The following PHACTR1 variants were observed in gnomAD, a reference collection of about 807,000 sequenced individuals.
The protein encoded by PHACTR1 is RPEL repeat containing 1.
Under a neutral mutation model 69.2 loss-of-function variants are expected in PHACTR1, and 16 were observed. The observed-to-expected ratio is 0.23, with a 90% CI of 0.16 to 0.35. The LOEUF is 0.35. PHACTR1 is among the 10% of genes least tolerant of loss of function. The pLI is 1.00. For missense variants in PHACTR1, 510 were observed against 734.7 expected (o/e 0.69, Z 3.54); for synonymous variants, 312 against 284.5 (o/e 1.10, Z -0.97).
intron 4 of PHACTR1, 95 bp from the exon 5 acceptor site, chr6:13,053,270 A>T (rs570617796): frequency 7.8e-7 from 1 of 1,276,328 alleles, no homozygotes; most frequent in South Asian, 1.6e-5. Context: ...GGTTTCTGTT[A>T]TCTGTAACCA....
intron 4 of PHACTR1, among the ~76,000 whole-genome samples, chr6:12,983,659 T>C (rs1795783572): frequency 6.6e-6 from 1 of 152,124 alleles, no homozygotes; most frequent in South Asian, 2.1e-4. Context: ...AACTCATCAT[T>C]TACATTAGGT....
chr6:13,121,116 G>A (rs1210610264), intron 5 of PHACTR1, among the ~76,000 whole-genome samples: 1 of 152,232 alleles, frequency 6.6e-6, no homozygotes, highest in Non-Finnish European at 1.5e-5. Flanking sequence ...TGGGTGGTCT[G>A]CAGAAGGAAC....
At chr6:12,817,812 A>C (rs1046080747) in intron 4 of PHACTR1, among the ~76,000 whole-genome samples, 1 of 151,522 alleles carries the variant, frequency 6.6e-6, no homozygotes, top group Non-Finnish European at 1.5e-5. Context: ...AGGTAAGCAC[A>C]TGTTTACTTT....
intron 5 of PHACTR1, among the ~76,000 whole-genome samples, chr6:13,090,068 T>TG (rs1812985952): frequency 6.6e-6 from 1 of 152,044 alleles, no homozygotes; most frequent in Non-Finnish European, 1.5e-5. Context: ...TTGTTGTTGT[T>TG]TTTGAGACGG....
At position 13,226,359 on chromosome 6, in the gene PHACTR1, C is replaced by T. The variant is rs191267371; in HGVS notation, c.987-1457C>T. ...TTGAAAGTTTCAAAGGAGAGGCATG[C>T]ATTCATATGTCATAAGTCAGATTTC... On this transcript the variant is annotated intron_variant, in intron 8 of 14. Coordinates refer to ENST00000332995, the MANE Select transcript of PHACTR1 (RefSeq NM_030948.6). Among the ~76,000 whole-genome samples, 106 of 152,310 alleles carry T rather than the reference C, an allele frequency of 7.0e-4. 1 individual carries two copies. The highest frequency in any genetic ancestry group is 2.4e-3 in the African/African-American group (99 of 41,564).
At chr6:12,721,892 TG>T (rs1762176853) in intron 3 of PHACTR1, among the ~76,000 whole-genome samples, 1 of 152,248 alleles carries the variant, frequency 6.6e-6, no homozygotes, top group East Asian at 1.9e-4. Flanking sequence ...ATGCACACAT[TG>T]GCCGGATTCA....
At chr6:13,146,275 A>C (rs1473782916) in intron 5 of PHACTR1, among the ~76,000 whole-genome samples, 1 of 152,254 alleles carries the variant, frequency 6.6e-6, no homozygotes, top group Non-Finnish European at 1.5e-5. Flanking sequence ...GGGAGAAATC[A>C]AGTCTTCACA....
intron 5 of PHACTR1, among the ~76,000 whole-genome samples, chr6:13,158,591 A>G (rs1270672138): frequency 6.6e-6 from 1 of 152,266 alleles, no homozygotes; most frequent in East Asian, 1.9e-4. Flanking sequence ...TCCAAAATAT[A>G]TAATTAGTGA....
chr6:13,146,231 C>T lies in PHACTR1; in HGVS notation c.416-13973C>T, dbSNP rs142562291. On this transcript the variant is annotated intron_variant, in intron 5 of 14. Transcript: ENST00000332995. ...GTGGAAAGCACAGAGTGCATGGTTC[C>T]TAATACATAATAAGTGTTACCATGG... is the stretch of plus-strand genomic sequence containing the variant. Among the ~76,000 whole-genome samples the T allele has an allele frequency of 2.6e-5, 4 of 152,272 alleles. No homozygotes were observed. The East Asian group carries it at 7.7e-4, about 29-fold the overall frequency.
intron 4 of PHACTR1, among the ~76,000 whole-genome samples, chr6:12,844,218 G>T (rs760255068): frequency 6.6e-5 from 10 of 152,016 alleles, no homozygotes; most frequent in Non-Finnish European, 1.2e-4. Context: ...AACATAGCAA[G>T]ATTCCATCGC....
chr6:13,219,468 C>T (rs941703261), intron 8 of PHACTR1, among the ~76,000 whole-genome samples: 1 of 152,098 alleles, frequency 6.6e-6, no homozygotes, highest in African/African-American at 2.4e-5. Flanking sequence ...CTCAAGGAGA[C>T]GTGTTATTAA....
chr6:13,076,866 G>A (rs533408473), intron 5 of PHACTR1, among the ~76,000 whole-genome samples: 3 of 149,380 alleles, frequency 2.0e-5, no homozygotes, highest in Non-Finnish European at 3.0e-5. Context: ...TAGTTGGAAC[G>A]CTCTGAGAGG....
At chr6:13,209,802 A>G (rs1030143236) in intron 8 of PHACTR1, among the ~76,000 whole-genome samples, 12 of 152,170 alleles carry the variant, frequency 7.9e-5, no homozygotes, top group African/African-American at 2.7e-4. Flanking sequence ...TTCCCTCTCT[A>G]TTAAAAGTTT....
chr6:12,934,889 G>A (rs995087692), intron 4 of PHACTR1, among the ~76,000 whole-genome samples: 5 of 151,494 alleles, frequency 3.3e-5, no homozygotes, highest in Admixed American at 2.0e-4. Flanking sequence ...GCTAATAACC[G>A]GGTACACGTT....
At chr6:12,928,853 A>G (rs1052072609) in intron 4 of PHACTR1, among the ~76,000 whole-genome samples, 2 of 152,210 alleles carry the variant, frequency 1.3e-5, no homozygotes, top group African/African-American at 4.8e-5. Context: ...AGGCAGGACT[A>G]AAGAAAGGTA....
chr6:12,787,316 T>C (rs374146435), intron 4 of PHACTR1, among the ~76,000 whole-genome samples: 1 of 152,218 alleles, frequency 6.6e-6, no homozygotes, highest in Admixed American at 6.5e-5. Flanking sequence ...GTGTAAAGCA[T>C]AGGCATTTTG....
chr6:12,783,557 G>C (rs1771096787), intron 4 of PHACTR1, among the ~76,000 whole-genome samples: 1 of 152,096 alleles, frequency 6.6e-6, no homozygotes, highest in Non-Finnish European at 1.5e-5. Context: ...CTCCAAATTA[G>C]CAGTTTTCAG....
At chr6:13,123,944 C>T (rs1318923579) in intron 5 of PHACTR1, among the ~76,000 whole-genome samples, 2 of 152,090 alleles carry the variant, frequency 1.3e-5, no homozygotes, top group African/African-American at 4.8e-5. Flanking sequence ...ACCCTGCACC[C>T]GAAGTCAGAC....
intron 13 of PHACTR1, among the ~76,000 whole-genome samples, chr6:13,284,582 A>ATATATATATATATATATAGATACACG (rs1562129267): frequency 4.8e-4 from 67 of 140,098 alleles, no homozygotes; most frequent in African/African-American, 1.8e-3. Context: ...ATACACGTAT[A>ATATATATATATATATATAGATACACG]TATATATATA....
Sources: gnomAD v4.1 joint callset for allele counts (sites outside exome capture counted in the v4.1 genomes callset) on GRCh38, gnomAD v4.1.1 for gene constraint, MANE v1.5 for transcripts, NCBI Gene and HGNC (gene_info 2026-07-23, HGNC 2026-07-21) for gene names.